ROBO1: variants seen among roughly 807,000 people sequenced by gnomAD.
The protein encoded by ROBO1 is roundabout homolog 1.
A neutral mutation model predicts 195.9 loss-of-function variants in ROBO1; 149 were observed. The ratio of observed to expected loss-of-function variants is 0.76; its 90% CI spans 0.67 to 0.87. The LOEUF (loss-of-function observed/expected upper bound fraction) is 0.87. Ranked by LOEUF, ROBO1 falls within the 40% of genes least tolerant of loss-of-function variation. ROBO1 has a pLI of 0.00. For missense variants in ROBO1, 1,933 were observed against 2,068.3 expected (o/e 0.93, Z 1.27); for synonymous variants, 816 against 733.2 (o/e 1.11, Z -1.82).
At chr3:79,220,265 A>C (rs561578329) in intron 2 of ROBO1, among the ~76,000 whole-genome samples, 1 of 152,158 alleles carries the variant, frequency 6.6e-6, no homozygotes, top group South Asian at 2.1e-4. Context: ...GCAGGGCAAA[A>C]AAGAAAAAAG....
At chr3:78,741,596 C>T (rs1309090191) in intron 5 of ROBO1, among the ~76,000 whole-genome samples, 2 of 152,054 alleles carry the variant, frequency 1.3e-5, no homozygotes, top group Admixed American at 6.6e-5. Flanking sequence ...GTATCTTGAA[C>T]TTAAATGCAA....
rs192931812 is a variant in ROBO1, at chr3:79,577,571, G to C, written c.88+12253C>G. Among the ~76,000 whole-genome samples, 5 of 152,220 alleles carry C rather than the reference G, an allele frequency of 3.3e-5. No individual in the cohort carries two copies. The East Asian group carries it at 9.7e-4, about 29-fold the overall frequency. ...AAAAAGGTATTTGGATAAAGGATTT[G>C]AATGCCAAATTTACAAAGAACTGGC... On this transcript the variant is annotated intron_variant, in intron 2 of 30. Coordinates refer to ENST00000464233, the MANE Select transcript of ROBO1 (RefSeq NM_002941.4).
At position 78,771,521 on chromosome 3, in the gene ROBO1, C is replaced by A. The variant is rs542842230; in HGVS notation, c.500-24621G>T. ...ACTTTAATAATACTGAGTCTTCAAT[C>A]AATGAGCATGGAATGTTTTTCCATT... On this transcript the variant is annotated intron_variant, in intron 4 of 30. Coordinates refer to ENST00000464233, the MANE Select transcript of ROBO1 (RefSeq NM_002941.4). Among the ~76,000 whole-genome samples, 3 of 152,232 alleles carry A rather than the reference C, an allele frequency of 2.0e-5. No individual in the cohort carries two copies. The South Asian group carries it at 6.2e-4, about 32-fold the overall frequency.
At position 78,714,457 on chromosome 3, in the gene ROBO1, T is replaced by C. The variant is rs1421842381; in HGVS notation, c.985A>G (p.Thr329Ala). Residue 329 changes from threonine to alanine, a missense_variant, in exon 8 of 31, where the codon ACT (threonine) becomes GCT (alanine). Physicochemically the swap from Thr to Ala is moderately conservative, Grantham distance 58 (BLOSUM62 0). This residue lies in a region of ROBO1 where 1,737 missense variants were observed against 1,882.5 expected (regional missense o/e 0.92). Coordinates refer to ENST00000464233, the MANE Select transcript of ROBO1 (RefSeq NM_002941.4). ...CCCACCATATTTTCTGCAACACAAGTGTATGAACCCATGTCACCAGCTGTC... is the reference window on the plus strand; with the variant it reads ...CCCACCATATTTTCTGCAACACAAGCGTATGAACCCATGTCACCAGCTGTC... ...KVTAGDMGSY[T>A]CVAENMVGKA... 12 of 1,613,204 alleles carry C rather than the reference T, an allele frequency of 7.4e-6. No homozygotes were observed. The highest frequency in any genetic ancestry group is 2.2e-5 in the South Asian group (2 of 90,954).
At chr3:79,317,100 C>T (rs929885974) in intron 2 of ROBO1, among the ~76,000 whole-genome samples, 7 of 152,068 alleles carry the variant, frequency 4.6e-5, no homozygotes, top group Admixed American at 3.3e-4. Flanking sequence ...GGATTAACTC[C>T]TCTCTTTATA....
At chr3:78,992,734 C>A (rs1576527328) in intron 3 of ROBO1, among the ~76,000 whole-genome samples, 1 of 152,030 alleles carries the variant, frequency 6.6e-6, no homozygotes, top group East Asian at 1.9e-4. Context: ...AAATCAAGAC[C>A]AAGACAAGTA....
At chr3:79,022,781 C>G (rs2078127590) in intron 3 of ROBO1, among the ~76,000 whole-genome samples, 7 of 152,104 alleles carry the variant, frequency 4.6e-5, no homozygotes, top group Admixed American at 3.9e-4. Flanking sequence ...CATTTAGAGT[C>G]TATGAAATTC....
intron 2 of ROBO1, among the ~76,000 whole-genome samples, chr3:79,334,230 G>A (rs755540983): frequency 2.0e-5 from 3 of 150,782 alleles, no homozygotes; most frequent in Non-Finnish European, 4.4e-5. Flanking sequence ...TTGAACCTAT[G>A]AGGCAGAGGT....
At chr3:79,109,244 A>G (rs2079841174) in intron 3 of ROBO1, among the ~76,000 whole-genome samples, 1 of 151,894 alleles carries the variant, frequency 6.6e-6, no homozygotes, top group African/African-American at 2.4e-5. Flanking sequence ...TTAAAAATGC[A>G]GATGCTAGCA....
At chr3:78,601,477 T>C (rs1043833222) in intron 29 of ROBO1, among the ~76,000 whole-genome samples, 1 of 152,184 alleles carries the variant, frequency 6.6e-6, no homozygotes, top group African/African-American at 2.4e-5. Flanking sequence ...AGGATGACTG[T>C]TTCTGCAGCT....
intron 2 of ROBO1, among the ~76,000 whole-genome samples, chr3:79,183,420 TGGA>T (rs1385763782): frequency 6.6e-6 from 1 of 152,158 alleles, no homozygotes; most frequent in Non-Finnish European, 1.5e-5. Context: ...AGTGACTCAG[TGGA>T]TTTAAGAAAC....
chr3:79,459,443 A>C (rs1391372645), intron 2 of ROBO1, among the ~76,000 whole-genome samples: 1 of 152,152 alleles, frequency 6.6e-6, no homozygotes, highest in African/African-American at 2.4e-5. Flanking sequence ...TAAGAGAATT[A>C]GTTTTGATAA....
chr3:79,574,047 C>T (rs1301175049), intron 2 of ROBO1, among the ~76,000 whole-genome samples: 1 of 152,030 alleles, frequency 6.6e-6, no homozygotes, highest in Non-Finnish European at 1.5e-5. Context: ...ATTTCCTGTA[C>T]TCAAAGAATT....
chr3:78,749,039 T>C (rs2082726540), intron 4 of ROBO1, among the ~76,000 whole-genome samples: 1 of 152,160 alleles, frequency 6.6e-6, no homozygotes, highest in African/African-American at 2.4e-5. Flanking sequence ...AAACTTATAT[T>C]ATTATTAGGT....
At chr3:79,621,965 A>G (rs1945022587) in intron 1 of ROBO1, among the ~76,000 whole-genome samples, 1 of 152,188 alleles carries the variant, frequency 6.6e-6, no homozygotes, top group Non-Finnish European at 1.5e-5. Context: ...TAAAAAAATA[A>G]TAATGATAAT....
At chr3:79,239,116 A>T (rs2082466112) in intron 2 of ROBO1, among the ~76,000 whole-genome samples, 16 of 152,206 alleles carry the variant, frequency 1.1e-4, no homozygotes, top group Admixed American at 1.0e-3. Flanking sequence ...GGTCTGAATT[A>T]TGATCAAATC....
chr3:78,781,186 G>C (rs1330260228), intron 4 of ROBO1, among the ~76,000 whole-genome samples: 1 of 152,082 alleles, frequency 6.6e-6, no homozygotes, highest in Non-Finnish European at 1.5e-5. Context: ...ATATAAGTAA[G>C]CCAGAACACC....
rs1005088347 is a variant in ROBO1 at position 79,300,569 on chromosome 3, C to A, written c.89-175030G>T. Among the ~76,000 whole-genome samples, 15 of 152,194 alleles carry A rather than the reference C, an allele frequency of 9.9e-5. 1 individual carries two copies. Among genetic ancestry groups the A allele is most frequent in the Admixed American group, 9.8e-4 (15 of 15,292 alleles). On this transcript the variant is annotated intron_variant, in intron 2 of 30. Transcript: ENST00000464233. ...GCGCTGACCCCCGCTCCATGGCGCC[C>A]AGTCCCATCGACCACCCAAGGGCTG...
At chr3:79,385,425 C>A (rs1363030732) in intron 2 of ROBO1, among the ~76,000 whole-genome samples, 1 of 152,044 alleles carries the variant, frequency 6.6e-6, no homozygotes, top group Non-Finnish European at 1.5e-5. Flanking sequence ...TGAAGATAAA[C>A]TCTTGCTAAA....
Sources: allele counts gnomAD v4.1 joint callset (sites outside exome capture counted in the v4.1 genomes callset), GRCh38; gene constraint gnomAD v4.1.1; regional missense constraint gnomAD v4.1.1; transcripts MANE v1.5; gene names NCBI Gene and HGNC (gene_info 2026-07-23, HGNC 2026-07-21).